Variants in KLHL36 observed in about 807,000 individuals in gnomAD.
The protein encoded by KLHL36 is kelch like family member 36.
A neutral mutation model predicts 53.3 loss-of-function variants in KLHL36; 35 were observed. The observed-to-expected ratio is 0.66, with a 90% CI of 0.50 to 0.87. The LOEUF is 0.87. Among genes scored for constraint, KLHL36 ranks in the 40% least tolerant of loss-of-function variants. The pLI is 0.00. For missense variants in KLHL36, 864 were observed against 897.6 expected (o/e 0.96, Z 0.48); for synonymous variants, 472 against 398.9 (o/e 1.18, Z -2.18).
At chr16:84,654,954 C>A (rs1336637113) in intron 2 of KLHL36, among the ~76,000 whole-genome samples, 4 of 152,138 alleles carry the variant, frequency 2.6e-5, no homozygotes, top group African/African-American at 4.8e-5. Context: ...TCTACTGTTG[C>A]ATGCCAGCCT....
rs538643896 is a variant in KLHL36 at position 84,667,125 on chromosome 16, T to A, written c.*4992T>A. ...GCCTTAGTTACCAGAGTTGAATGAA[T>A]GTACACATTTCGGTAGTGGGGGGGC... On this transcript the variant is annotated 3_prime_UTR_variant, in exon 5 of 5. Transcript: ENST00000564996. The A allele has an allele frequency of 2.9e-4, 44 of 151,964 alleles. No homozygotes were observed. The highest frequency in any genetic ancestry group is 9.9e-4 in the African/African-American group (41 of 41,438). 9.4% of individuals were successfully genotyped at this position (151,964 alleles called of 1,614,324 possible). A position where few individuals can be genotyped will look rare whatever the true frequency, so the allele number is the denominator to read the frequency against.
chr16:84,651,922 C>G (rs550740267), intron 2 of KLHL36, among the ~76,000 whole-genome samples: 8 of 152,112 alleles, frequency 5.3e-5, no homozygotes, highest in Non-Finnish European at 1.2e-4. Flanking sequence ...GAGCTGGCAG[C>G]AGCCTATAGA....
chr16:84,655,932 G>C (rs1373338230), intron 2 of KLHL36, among the ~76,000 whole-genome samples: 2 of 150,602 alleles, frequency 1.3e-5, no homozygotes, highest in Non-Finnish European at 2.9e-5. Flanking sequence ...TCTTTTTGTC[G>C]TCCAGGCTGG....
chr16:84,652,955 C>G (rs752667643), intron 2 of KLHL36, among the ~76,000 whole-genome samples: 1 of 152,156 alleles, frequency 6.6e-6, no homozygotes, highest in Non-Finnish European at 1.5e-5. Context: ...CAGTGGCTCA[C>G]GCCTGTAATC....
chr16:84,652,005 G>A (rs1335255645), intron 2 of KLHL36, among the ~76,000 whole-genome samples: 2 of 152,150 alleles, frequency 1.3e-5, no homozygotes, highest in Non-Finnish European at 2.9e-5. Context: ...AGAGAGGTTG[G>A]CTCTCTTGAG....
intron 2 of KLHL36, among the ~76,000 whole-genome samples, chr16:84,651,389 C>T (rs1420617648): frequency 1.3e-5 from 2 of 152,142 alleles, no homozygotes; most frequent in Non-Finnish European, 2.9e-5. Context: ...TCCCTGCGAC[C>T]TAAGAGCAAG....
intron 3 of KLHL36, chr16:84,659,464 C>A: frequency 2.9e-6 from 1 of 349,652 alleles, no homozygotes; most frequent in South Asian, 4.3e-5. Context: ...CACAGAGTTC[C>A]CATCCACGCG....
Position 84,661,588 on chromosome 16 carries a change from G to A in KLHL36, c.1306G>A (p.Gly436Ser), listed in dbSNP as rs772109021. The stretch of plus-strand genomic sequence containing the variant: ...CCGTCGACCCTGCAGGTTCACGTAC[G>A]GCCACGCGGGCACCATCTACAAAGA... ...YVAGLPRFTY[G>S]HAGTIYKDFV... Residue 436 changes from glycine (G) to serine (S), a missense_variant, in exon 5 of 5, where the codon GGC (glycine) becomes AGC (serine). Coordinates refer to ENST00000564996, the MANE Select transcript of KLHL36 (RefSeq NM_024731.4). This position sits in a 1 kb window ranked among gnomAD's most constrained non-coding sequence, Gnocchi z 7.9. 2.5e-6 allele frequency: 4 copies of A among 1,587,858 alleles called. No homozygotes were observed. Among genetic ancestry groups the A allele is most frequent in the Non-Finnish European group, 3.4e-6 (4 of 1,162,694 alleles).
At chr16:84,656,803 G>C in intron 2 of KLHL36, 68 bp from the exon 3 acceptor site, 1 of 1,127,936 alleles carries the variant, frequency 8.9e-7, no homozygotes, top group Non-Finnish European at 1.3e-6. Flanking sequence ...ATGCTGGTCA[G>C]GACCCACTGG....
intron 3 of KLHL36, chr16:84,658,871 C>T (rs1907379146): frequency 6.6e-6 from 1 of 152,208 alleles, no homozygotes; most frequent in African/African-American, 2.4e-5. Context: ...AGACTGCCCT[C>T]CAAGGTCGAA....
chr16:84,666,460 C>T lies in KLHL36; in HGVS notation c.*4327C>T, dbSNP rs1437527600. ...ATTTGCCAAGAGGAAACCTTAACCC[C>T]CCTGAGAGGGTCTGCGTTTCTTCTA... On this transcript the variant is annotated 3_prime_UTR_variant, in exon 5 of 5. Coordinates refer to ENST00000564996, the MANE Select transcript of KLHL36 (RefSeq NM_024731.4). 1 of 152,190 alleles carries T rather than the reference C, an allele frequency of 6.6e-6. No homozygotes were observed. Among genetic ancestry groups the T allele is most frequent in the Non-Finnish European group, 1.5e-5 (1 of 68,070 alleles). 9.4% of individuals were successfully genotyped at this position (152,190 alleles called of 1,614,324 possible). A position where few individuals can be genotyped will look rare whatever the true frequency, so the allele number is the denominator to read the frequency against.
At chr16:84,650,392 C>T (rs775956172) in intron 1 of KLHL36, among the ~76,000 whole-genome samples, 7 of 152,064 alleles carry the variant, frequency 4.6e-5, no homozygotes, top group Non-Finnish European at 1.0e-4. Flanking sequence ...GATTCTCGGC[C>T]GTTTACTAGC....
intron 3 of KLHL36, 83 bp from the exon 4 acceptor site, chr16:84,659,677 G>C (rs1907429380): frequency 7.2e-7 from 1 of 1,396,958 alleles, no homozygotes; most frequent in Non-Finnish European, 1.0e-6. Flanking sequence ...GCATTCCGCA[G>C]ACACATTTGG....
chr16:84,657,931 A>G lies in KLHL36; in HGVS notation c.1124A>G (p.Lys375Arg). 6.6e-7 allele frequency: 1 copy of G among 1,518,142 alleles called. No individual in the cohort carries two copies. 94.0% of individuals were successfully genotyped at this position (1,518,142 alleles called of 1,614,324 possible). The change falls in exon 3 of 5, where the codon AAA becomes AGA. Residue 375 changes from lysine to arginine, a missense_variant. Coordinates refer to ENST00000564996, the MANE Select transcript of KLHL36 (RefSeq NM_024731.4). The part of the protein sequence containing the change: ...NLLYRYDPRC[K>R]QWIKVASMNQ... ...CTTTATAGGTATGACCCCCGCTGTAAACAGTGGATCAAGGTGAGATTAAAG... is the reference window on the plus strand; with the variant it reads ...CTTTATAGGTATGACCCCCGCTGTAGACAGTGGATCAAGGTGAGATTAAAG...
At chr16:84,656,046 C>G (rs543610997) in intron 2 of KLHL36, among the ~76,000 whole-genome samples, 1 of 151,750 alleles carries the variant, frequency 6.6e-6, no homozygotes, top group African/African-American at 2.4e-5. Flanking sequence ...GCGAATGCCA[C>G]CACGCCCACC....
rs752968131 is a variant in KLHL36, at chr16:84,661,810, C to T, written c.1528C>T (p.Arg510Cys). 8 of 1,609,662 alleles carry T rather than the reference C, an allele frequency of 5.0e-6. No individual in the cohort carries two copies. The highest frequency in any genetic ancestry group is 4.0e-5 in the African/African-American group (3 of 74,828). The change falls in exon 5 of 5, where the codon CGC (arginine) becomes TGC (cysteine). Residue 510 changes from arginine (R) to cysteine (C), a missense_variant. Physicochemically the swap from Arg to Cys is radical, Grantham distance 180 (BLOSUM62 -3). Transcript: ENST00000564996. The surrounding 1 kb of genome is among the most constrained non-coding windows in gnomAD (Gnocchi z 7.9). The stretch of plus-strand genomic sequence containing the variant: ...CGATGACAACATCGAGTCCATGGAG[C>T]GCTTCGACGTGCTGGGCGTGGAGGC... The part of the protein sequence containing the change: ...GSDDNIESME[R>C]FDVLGVEAYS...
At chr16:84,650,355 G>C (rs1167041650) in intron 1 of KLHL36, among the ~76,000 whole-genome samples, 1 of 152,236 alleles carries the variant, frequency 6.6e-6, no homozygotes, top group East Asian at 1.9e-4. Flanking sequence ...ATGGATCCAG[G>C]TTTTGAAGCT....
chr16:84,657,367 A>T lies in KLHL36; in HGVS notation c.560A>T (p.Asn187Ile). The part of the protein sequence containing the change: ...TLSFTPDFLQ[N>I]VSMQKLCVYL... ...TCCTTTACGCCCGACTTCCTGCAGAACGTCTCCATGCAGAAGCTGTGTGTC... is the reference window on the plus strand; with the variant it reads ...TCCTTTACGCCCGACTTCCTGCAGATCGTCTCCATGCAGAAGCTGTGTGTC... The change falls in exon 3 of 5, where the codon AAC (asparagine) becomes ATC (isoleucine). Residue 187 changes from asparagine to isoleucine, a missense_variant. Asn to Ile is a moderately radical substitution (Grantham distance 149). Coordinates refer to ENST00000564996, the MANE Select transcript of KLHL36 (RefSeq NM_024731.4). 2 of 1,611,268 alleles carry T rather than the reference A, an allele frequency of 1.2e-6. No homozygotes were observed. The highest frequency in any genetic ancestry group is 1.7e-6 in the Non-Finnish European group (2 of 1,180,020).
At chr16:84,659,593 G>A (rs1235799792) in intron 3 of KLHL36, 167 bp from the exon 4 acceptor site, 3 of 669,194 alleles carry the variant, frequency 4.5e-6, no homozygotes, top group East Asian at 2.7e-5. Context: ...AACCTCGGGG[G>A]CTCAGAGCTC....
Sources: gnomAD v4.1 joint callset for allele counts (sites outside exome capture counted in the v4.1 genomes callset) on GRCh38, gnomAD v4.1.1 for gene constraint, Gnocchi (gnomAD v3.1) non-coding constraint, MANE v1.5 for transcripts, NCBI Gene and HGNC (gene_info 2026-07-23, HGNC 2026-07-21) for gene names.